The following GABRA3 variants were observed in gnomAD, a reference collection of about 807,000 sequenced individuals.
The protein encoded by GABRA3 is gamma-aminobutyric acid receptor subunit alpha-3.
Under a neutral mutation model 30.1 loss-of-function variants are expected in GABRA3, and 10 were observed. The observed-to-expected ratio is 0.33, with a 90% confidence interval of 0.20 to 0.56. The LOEUF is 0.56. GABRA3 is among the 20% of genes least tolerant of loss of function. GABRA3 has a pLI of 0.89. For missense variants in GABRA3, 233 were observed against 392.0 expected (o/e 0.59, Z 3.42); for synonymous variants, 151 against 146.8 (o/e 1.03, Z -0.21).
rs577614509 is a variant in GABRA3, at chrX:152,259,780, T to C, written c.331-3782A>G. Among the ~76,000 whole-genome samples the C allele has an allele frequency of 5.4e-4, 60 of 111,271 alleles. 1 individual carries two copies. The highest frequency in any genetic ancestry group is 2.7e-3 in the South Asian group (7 of 2,624). ...CCTTGGATTAGGCTCTGAGATTTGC[T>C]AGCTTCAGGTGAGACTCAGTACATT... On this transcript the variant is annotated intron_variant, in intron 4 of 9. Coordinates refer to ENST00000370314, the MANE Select transcript of GABRA3 (RefSeq NM_000808.4).
At chrX:152,356,208 A>G (rs963901285) in intron 2 of GABRA3, among the ~76,000 whole-genome samples, 1 of 112,021 alleles carries the variant, frequency 8.9e-6, no homozygotes, top group Non-Finnish European at 1.9e-5. Flanking sequence ...CCAAATCATA[A>G]TCTTCAAATG....
chrX:152,210,339 A>T (rs72614779), intron 6 of GABRA3, among the ~76,000 whole-genome samples: 13,718 of 111,155 alleles, frequency 0.12, 1,279 homozygotes, highest in East Asian at 0.32. Context: ...TTAATTTTTT[A>T]AAAAAATTGA....
intron 1 of GABRA3, among the ~76,000 whole-genome samples, chrX:152,386,443 A>T (rs1421560200): frequency 9.0e-6 from 1 of 111,195 alleles, no homozygotes; most frequent in Non-Finnish European, 1.9e-5. Context: ...ACTCAAACAA[A>T]TTTACAAGAA....
At chrX:152,333,940 G>T (rs1940197886) in intron 3 of GABRA3, among the ~76,000 whole-genome samples, 1 of 111,168 alleles carries the variant, frequency 9.0e-6, no homozygotes, top group African/African-American at 3.3e-5. Flanking sequence ...GCCATGAATA[G>T]TCAAGATAAT....
At chrX:152,349,398 T>C (rs1940440708) in intron 2 of GABRA3, among the ~76,000 whole-genome samples, 1 of 108,764 alleles carries the variant, frequency 9.2e-6, no homozygotes, top group Non-Finnish European at 1.9e-5. Flanking sequence ...CTGCATCAAC[T>C]AACGAGCAAA....
chrX:152,353,624 A>T (rs920688867), intron 2 of GABRA3, among the ~76,000 whole-genome samples: 3 of 111,869 alleles, frequency 2.7e-5, no homozygotes, highest in African/African-American at 9.7e-5. Flanking sequence ...GACACAAAAG[A>T]AAAGAAAACT....
At chrX:152,336,992 A>C (rs1421499272) in intron 3 of GABRA3, among the ~76,000 whole-genome samples, 1 of 111,651 alleles carries the variant, frequency 9.0e-6, no homozygotes, top group Non-Finnish European at 1.9e-5. Flanking sequence ...GAGAAACTGC[A>C]GGTTATGGTT....
At chrX:152,292,073 T>G (rs1939429902) in intron 3 of GABRA3, among the ~76,000 whole-genome samples, 1 of 111,494 alleles carries the variant, frequency 9.0e-6, no homozygotes, top group Admixed American at 9.6e-5. Context: ...TGTTGATTGG[T>G]ATAGTTTCAA....
At chrX:152,202,268 G>A (rs1937493540) in intron 7 of GABRA3, among the ~76,000 whole-genome samples, 2 of 111,509 alleles carry the variant, frequency 1.8e-5, no homozygotes, top group African/African-American at 6.5e-5. Context: ...GACCCTACAT[G>A]GAAGAGTGTA....
intron 5 of GABRA3, among the ~76,000 whole-genome samples, chrX:152,239,321 T>A (rs1450226895): frequency 9.2e-6 from 1 of 108,327 alleles, no homozygotes; most frequent in Non-Finnish European, 1.9e-5. Context: ...AGATTCTTAA[T>A]ACTGAGTTCT....
intron 4 of GABRA3, among the ~76,000 whole-genome samples, chrX:152,257,130 G>T (rs1938649866): frequency 8.9e-6 from 1 of 112,051 alleles, no homozygotes. Flanking sequence ...CTAAATGAAA[G>T]AAATGAGCTG....
chrX:152,222,701 C>T (rs1937865663), intron 6 of GABRA3, among the ~76,000 whole-genome samples: 1 of 110,349 alleles, frequency 9.1e-6, no homozygotes, highest in African/African-American at 3.3e-5. Context: ...GTAGAGTCTT[C>T]ATTATTTACT....
At chrX:152,254,811 T>C (rs1357087424) in intron 5 of GABRA3, among the ~76,000 whole-genome samples, 1 of 111,864 alleles carries the variant, frequency 8.9e-6, no homozygotes, top group African/African-American at 3.2e-5. Context: ...TAAATAGCCA[T>C]AGAAGCTCCA....
At chrX:152,215,050 A>G (rs1370088434) in intron 6 of GABRA3, among the ~76,000 whole-genome samples, 2 of 104,916 alleles carry the variant, frequency 1.9e-5, no homozygotes. Flanking sequence ...ATATATATAT[A>G]TATATTTTTT....
rs1196725242 is a variant in GABRA3 at position 152,243,675 on chromosome X, C to T, written c.551+12103G>A. ...GATGTATCTAGGGAAGACAAGAAGT[C>T]TAACGACTGAGATTCAGCATACTGG... On this transcript the variant is annotated intron_variant, in intron 5 of 9. Coordinates refer to ENST00000370314, the MANE Select transcript of GABRA3 (RefSeq NM_000808.4). Among the ~76,000 whole-genome samples the T allele has an allele frequency of 4.7e-4, 53 of 111,653 alleles. No individual in the cohort carries two copies. In the Admixed American group the frequency reaches 5.1e-3, roughly 11 times the overall value.
chrX:152,270,383 C>T (rs985453521), intron 4 of GABRA3, among the ~76,000 whole-genome samples: 2 of 111,992 alleles, frequency 1.8e-5, no homozygotes, highest in African/African-American at 6.5e-5. Flanking sequence ...GTCAATTAAA[C>T]CTCTTTCCTT....
At chrX:152,228,292 G>T (rs1938003742) in intron 5 of GABRA3, among the ~76,000 whole-genome samples, 1 of 112,060 alleles carries the variant, frequency 8.9e-6, no homozygotes, top group South Asian at 3.7e-4. Context: ...TTTGGTTTAT[G>T]AAGTACCTTG....
At chrX:152,215,513 T>C (rs1227409654) in intron 6 of GABRA3, among the ~76,000 whole-genome samples, 1 of 111,319 alleles carries the variant, frequency 9.0e-6, no homozygotes, top group African/African-American at 3.3e-5. Flanking sequence ...CACTTGTCTT[T>C]TCAACATGGT....
intron 9 of GABRA3, among the ~76,000 whole-genome samples, chrX:152,182,238 G>A (rs1478575998): frequency 9.6e-6 from 1 of 104,648 alleles, no homozygotes; most frequent in Non-Finnish European, 2.0e-5. Context: ...AATCCCACTT[G>A]GTCAAGATGA....
Sources: allele counts gnomAD v4.1 joint callset (sites outside exome capture counted in the v4.1 genomes callset), GRCh38; gene constraint gnomAD v4.1.1; transcripts MANE v1.5; gene names NCBI Gene and HGNC (gene_info 2026-07-23, HGNC 2026-07-21).